The following EPHA6 variants were observed in gnomAD, a reference collection of about 807,000 sequenced individuals.
EPHA6 encodes ephrin type-A receptor 6.
EPHA6 carries 50 observed loss-of-function variants against 112.0 expected under a neutral mutation model. The observed-to-expected ratio is 0.45, with a 90% CI of 0.36 to 0.56. EPHA6 has a LOEUF of 0.56. Ranked by LOEUF, EPHA6 falls within the 20% of genes least tolerant of loss-of-function variation. The pLI is 0.00. For synonymous variants in EPHA6, 529 were observed against 490.7 expected (o/e 1.08, Z -1.03); for missense variants, 1,280 against 1,417.4 (o/e 0.90, Z 1.56).
rs569519506 is a variant in EPHA6, at chr3:97,756,346, T to C, written c.*7645T>C. On this transcript the variant is annotated 3_prime_UTR_variant, in exon 18 of 18. Transcript: ENST00000389672. Reference sequence around the variant, plus strand: ...TTTTTTTCTGTCAATGTGATTGATATGCTCATTGTTAAATTTAACTTGTTT... The same window carrying C: ...TTTTTTTCTGTCAATGTGATTGATACGCTCATTGTTAAATTTAACTTGTTT... Among the ~76,000 whole-genome samples, 1 of 152,112 alleles carries C rather than the reference T, an allele frequency of 6.6e-6. No individual in the cohort carries two copies. Among genetic ancestry groups the C allele is most frequent in the Admixed American group, 6.5e-5 (1 of 15,284 alleles).
chr3:97,390,890 G>T (rs1028263260), intron 5 of EPHA6, among the ~76,000 whole-genome samples: 1 of 151,998 alleles, frequency 6.6e-6, no homozygotes, highest in African/African-American at 2.4e-5. Context: ...AAATCATTCG[G>T]AATATTTTTG....
rs756475434 is a variant in EPHA6 at position 97,448,722 on chromosome 3, G to A, written c.1886G>A (p.Gly629Glu). The A allele has an allele frequency of 6.2e-7, 1 of 1,613,208 alleles. No individual in the cohort carries two copies. The highest frequency in any genetic ancestry group is 8.5e-7 in the Non-Finnish European group (1 of 1,179,384). The change falls in exon 7 of 18, where the codon GGA becomes GAA. Residue 629 changes from glycine (G) to glutamate (E), a missense_variant. Transcript: ENST00000389672. ...GYSQKFEFET[G>E]DETSDMAAEQ... ...AGTCAGAAATTTGAATTTGAAACAG[G>A]AGATGAAAGTAAGTTTCACACAAGG...
chr3:97,759,629 A>G lies in EPHA6; in HGVS notation c.*10928A>G, dbSNP rs964043641. 1 of 230,166 alleles carries G rather than the reference A, an allele frequency of 4.3e-6. No homozygotes were observed. The highest frequency in any genetic ancestry group is 8.6e-6 in the Non-Finnish European group (1 of 116,128). The allele number at this position is 230,166 out of a possible 1,614,324, so 14.3% of individuals were successfully genotyped here. A position where few individuals can be genotyped will look rare whatever the true frequency, so the allele number is the denominator to read the frequency against. ...ATAGGTGCCGGAATATAGAACTCCAATGAAAGGAAGGCAGAATGTGTAATG... is the reference window on the plus strand; with the variant it reads ...ATAGGTGCCGGAATATAGAACTCCAGTGAAAGGAAGGCAGAATGTGTAATG... On this transcript the variant is annotated 3_prime_UTR_variant, in exon 18 of 18. Coordinates refer to ENST00000389672, the MANE Select transcript of EPHA6 (RefSeq NM_001080448.3).
intron 5 of EPHA6, among the ~76,000 whole-genome samples, chr3:97,313,477 C>T (rs184249002): frequency 4.6e-5 from 7 of 151,448 alleles, no homozygotes; most frequent in Admixed American, 6.6e-5. Flanking sequence ...CTAATATACC[C>T]GTACTAATTT....
At chr3:97,731,304 T>C (rs2035025354) in intron 15 of EPHA6, among the ~76,000 whole-genome samples, 1 of 151,980 alleles carries the variant, frequency 6.6e-6, no homozygotes. Flanking sequence ...GGAGCGGGTT[T>C]AGTTTTGCAC....
In EPHA6 at chr3:96,846,827, G is replaced by T. The variant is rs1409686317; in HGVS notation, c.386-19998G>T. Among the ~76,000 whole-genome samples the T allele has an allele frequency of 4.6e-5, 7 of 152,148 alleles. No homozygotes were observed. In the East Asian group the frequency reaches 1.4e-3, roughly 29 times the overall value. On this transcript the variant is annotated intron_variant, in intron 1 of 17. Coordinates refer to ENST00000389672, the MANE Select transcript of EPHA6 (RefSeq NM_001080448.3). Reference sequence around the variant, plus strand: ...TATCTTGTCTTGAGAGAGATTTATTGTTCCTTACCATTACTGTAGCTGGAA... The same window carrying T: ...TATCTTGTCTTGAGAGAGATTTATTTTTCCTTACCATTACTGTAGCTGGAA...
At chr3:97,132,981 T>C (rs1053810235) in intron 3 of EPHA6, among the ~76,000 whole-genome samples, 2 of 152,056 alleles carry the variant, frequency 1.3e-5, no homozygotes, top group East Asian at 1.9e-4. Context: ...TGTTACAGCA[T>C]AACAGTGCTA....
At position 97,425,205 on chromosome 3, in the gene EPHA6, A is replaced by G. The variant is rs536193636; in HGVS notation, c.1731+19931A>G. ...ACAGCGGCCCTCTTCTCACAGCTCC[A>G]CTAGGCAGTACCCCACTGGGGACTC... On this transcript the variant is annotated intron_variant, in intron 6 of 17. Coordinates refer to ENST00000389672, the MANE Select transcript of EPHA6 (RefSeq NM_001080448.3). Among the ~76,000 whole-genome samples, 137 of 152,276 alleles carry G rather than the reference A, an allele frequency of 9.0e-4. 1 individual carries two copies. Among genetic ancestry groups the G allele is most frequent in the Non-Finnish European group, 1.7e-3 (118 of 68,020 alleles).
chr3:97,227,672 G>T (rs1452160631), intron 4 of EPHA6, among the ~76,000 whole-genome samples: 1 of 152,164 alleles, frequency 6.6e-6, no homozygotes, highest in Non-Finnish European at 1.5e-5. Flanking sequence ...ATTAAATAAC[G>T]CTATAGGAGT....
chr3:97,384,783 C>G (rs2085960235), intron 5 of EPHA6, among the ~76,000 whole-genome samples: 1 of 151,998 alleles, frequency 6.6e-6, no homozygotes, highest in African/African-American at 2.4e-5. Context: ...TTTTGCTTGA[C>G]TCAGCATTTC....
At chr3:97,609,866 G>C (rs556704914) in intron 12 of EPHA6, among the ~76,000 whole-genome samples, 12 of 151,582 alleles carry the variant, frequency 7.9e-5, no homozygotes, top group Admixed American at 7.3e-4. Flanking sequence ...GAGAAATACA[G>C]AAGTAAAAAC....
chr3:97,412,056 T>C (rs1286998560), intron 6 of EPHA6, among the ~76,000 whole-genome samples: 3 of 152,078 alleles, frequency 2.0e-5, no homozygotes, highest in Non-Finnish European at 4.4e-5. Flanking sequence ...TTTCTACTTT[T>C]GCCGTTTGCT....
At chr3:97,222,281 A>G (rs2078230604) in intron 3 of EPHA6, among the ~76,000 whole-genome samples, 1 of 152,172 alleles carries the variant, frequency 6.6e-6, no homozygotes, top group Admixed American at 6.5e-5. Context: ...TTTTCTAACA[A>G]CAGAATTCTT....
intron 1 of EPHA6, among the ~76,000 whole-genome samples, chr3:96,847,648 G>C (rs2035146613): frequency 6.6e-6 from 1 of 152,066 alleles, no homozygotes; most frequent in African/African-American, 2.4e-5. Flanking sequence ...TAATCTTTAA[G>C]AAGAGAATTA....
intron 3 of EPHA6, among the ~76,000 whole-genome samples, chr3:97,131,510 T>A (rs1289051341): frequency 6.6e-6 from 1 of 152,134 alleles, no homozygotes; most frequent in African/African-American, 2.4e-5. Flanking sequence ...CAAGTAAGTA[T>A]GAGGTATTGG....
intron 3 of EPHA6, among the ~76,000 whole-genome samples, chr3:97,064,483 A>G (rs2046118633): frequency 6.6e-6 from 1 of 152,138 alleles, no homozygotes; most frequent in Non-Finnish European, 1.5e-5. Context: ...TGTATTCCTC[A>G]CTAAACTGCA....
chr3:96,996,332 A>G (rs1206789283), intron 3 of EPHA6, among the ~76,000 whole-genome samples: 1 of 151,754 alleles, frequency 6.6e-6, no homozygotes, highest in Admixed American at 6.6e-5. Flanking sequence ...GTGATTGTTG[A>G]TTTTTTTTAC....
chr3:97,445,205 T>A (rs1478403519), intron 6 of EPHA6, among the ~76,000 whole-genome samples: 1 of 152,184 alleles, frequency 6.6e-6, no homozygotes, highest in African/African-American at 2.4e-5. Context: ...TTGGTGCTAT[T>A]TTCTGTGCTC....
chr3:97,395,836 G>T (rs1187042926), intron 5 of EPHA6, among the ~76,000 whole-genome samples: 1 of 151,502 alleles, frequency 6.6e-6, no homozygotes, highest in Admixed American at 6.6e-5. Flanking sequence ...AAAGAAGGAA[G>T]GCAGGGGCAT....
Sources: allele counts gnomAD v4.1 joint callset (sites outside exome capture counted in the v4.1 genomes callset), GRCh38; gene constraint gnomAD v4.1.1; transcripts MANE v1.5; gene names NCBI Gene and HGNC (gene_info 2026-07-23, HGNC 2026-07-21).